SOCS4: variants seen among roughly 807,000 people sequenced by gnomAD.
SOCS4 encodes SH2 domain containing SOCS box protein.
In SOCS4, 20 loss-of-function variants were observed where a neutral mutation model predicts 34.1. That is an observed-to-expected ratio of 0.59 (90% confidence interval 0.41 to 0.85). SOCS4 has a LOEUF of 0.85. SOCS4 is among the 40% of genes least tolerant of loss of function. The pLI is 0.00. For synonymous variants in SOCS4, 180 were observed against 186.4 expected (o/e 0.97, Z 0.28); for missense variants, 479 against 532.4 (o/e 0.90, Z 0.99).
intron 1 of SOCS4, among the ~76,000 whole-genome samples, chr14:55,031,611 G>T (rs746372942): frequency 3.3e-5 from 5 of 152,118 alleles, no homozygotes; most frequent in Non-Finnish European, 7.4e-5. Context: ...ACTATAATTA[G>T]GAAAGCATGG....
At chr14:55,031,536 T>C (rs1210905266) in intron 1 of SOCS4, among the ~76,000 whole-genome samples, 3 of 152,184 alleles carry the variant, frequency 2.0e-5, no homozygotes, top group Non-Finnish European at 2.9e-5. Context: ...CTCCAGAATA[T>C]GTGTTAACAT....
At position 55,043,325 on chromosome 14, in the gene SOCS4, T is replaced by C. The variant is rs1245969624; in HGVS notation, c.284T>C (p.Leu95Pro). ...TTAGGCCGATCTCTTAAACAGAAAC[T>C]GCAAGATGCCGTGGGGCAGTGTTTT... The part of the protein sequence containing the change: ...RFLGRSLKQK[L>P]QDAVGQCFPI... The change falls in exon 3 of 3, where the codon CTG becomes CCG. Residue 95 changes from leucine to proline, a missense_variant. Physicochemically the swap from Leu to Pro is moderately conservative, Grantham distance 98 (BLOSUM62 -3). Coordinates refer to ENST00000555846, the MANE Select transcript of SOCS4 (RefSeq NM_199421.2). 1 of 1,614,214 alleles carries C rather than the reference T, an allele frequency of 6.2e-7. No homozygotes were observed. The highest frequency in any genetic ancestry group is 8.5e-7 in the Non-Finnish European group (1 of 1,180,032).
At position 55,044,797 on chromosome 14, in the gene SOCS4, GTAT is replaced by G. The variant is rs1475262238; in HGVS notation, c.*437_*439del. On this transcript the variant is annotated 3_prime_UTR_variant, in exon 3 of 3. Coordinates refer to ENST00000555846, the MANE Select transcript of SOCS4 (RefSeq NM_199421.2). Reference sequence around the variant, plus strand: ...ATTTTGTTAATCTATGCCATTAGTAGTATTATATATAAAATATAGTTCCCCGTC... The same window carrying G: ...ATTTTGTTAATCTATGCCATTAGTAGTATATATAAAATATAGTTCCCCGTC... 6.0e-6 allele frequency: 1 copy of G among 167,194 alleles called. No homozygotes were observed. The highest frequency in any genetic ancestry group is 1.5e-5 in the Non-Finnish European group (1 of 68,322). The allele number at this position is 167,194 out of a possible 1,614,324, so 10.4% of individuals were successfully genotyped here. A position where few individuals can be genotyped will look rare whatever the true frequency, so the allele number is the denominator to read the frequency against.
Position 55,044,177 on chromosome 14 carries a change from C to T in SOCS4, c.1136C>T (p.Thr379Ile). 6.2e-7 allele frequency: 1 copy of T among 1,614,112 alleles called. No homozygotes were observed. Among genetic ancestry groups the T allele is most frequent in the Non-Finnish European group, 8.5e-7 (1 of 1,179,988 alleles). ...ACMFFEPLLS[T>I]PLIRTFPFSL... Reference sequence around the variant, plus strand: ...ATGTTCTTTGAACCACTTCTATCCACTCCCTTAATTCGGACTTTCCCTTTT... The same window carrying T: ...ATGTTCTTTGAACCACTTCTATCCATTCCCTTAATTCGGACTTTCCCTTTT... Residue 379 changes from threonine to isoleucine, a missense_variant, in exon 3 of 3, where the codon ACT (threonine) becomes ATT (isoleucine). Physicochemically the swap from Thr to Ile is moderately conservative, Grantham distance 89. Transcript: ENST00000555846.
Position 55,044,189 on chromosome 14 carries a change from G to A in SOCS4, c.1148G>A (p.Arg383Gln), listed in dbSNP as rs747745126. Residue 383 changes from arginine to glutamine, a missense_variant, in exon 3 of 3, where the codon CGG becomes CAG. By Grantham distance (43) the Arg-to-Gln change is conservative. Coordinates refer to ENST00000555846, the MANE Select transcript of SOCS4 (RefSeq NM_199421.2). ...CCACTTCTATCCACTCCCTTAATTC[G>A]GACTTTCCCTTTTTCCCTGCAGCAT... ...FEPLLSTPLI[R>Q]TFPFSLQHIC... The A allele has an allele frequency of 4.3e-6, 7 of 1,613,784 alleles. No homozygotes were observed. Among genetic ancestry groups the A allele is most frequent in the African/African-American group, 2.7e-5 (2 of 74,856 alleles).
At chr14:55,039,865 C>G (rs1215102543) in intron 2 of SOCS4, among the ~76,000 whole-genome samples, 2 of 152,162 alleles carry the variant, frequency 1.3e-5, no homozygotes, top group East Asian at 3.8e-4. Context: ...CACTGCACTC[C>G]AGCCCAGGCA....
chr14:55,033,828 T>A (rs996945884), intron 2 of SOCS4, among the ~76,000 whole-genome samples: 2 of 152,220 alleles, frequency 1.3e-5, no homozygotes, highest in Non-Finnish European at 2.9e-5. Flanking sequence ...CCACGAAATA[T>A]TCTAGTAAGA....
In SOCS4 at chr14:55,045,030, G is replaced by A. The variant is rs1220981038; in HGVS notation, c.*666G>A. On this transcript the variant is annotated 3_prime_UTR_variant, in exon 3 of 3. Transcript: ENST00000555846. ...TAATCTGGTCAATGAGAATCAAATG[G>A]AAACATATCATTCTGGAGGTGCACT... 1 of 166,984 alleles carries A rather than the reference G, an allele frequency of 6.0e-6. No individual in the cohort carries two copies. Among genetic ancestry groups the A allele is most frequent in the Non-Finnish European group, 1.5e-5 (1 of 68,066 alleles). The allele number at this position is 166,984 out of a possible 1,614,324, so 10.3% of individuals were successfully genotyped here. A position where few individuals can be genotyped will look rare whatever the true frequency, so the allele number is the denominator to read the frequency against.
In SOCS4 at chr14:55,043,297, T is replaced by C; in HGVS notation, c.256T>C (p.Phe86Leu). 1 of 1,614,230 alleles carries C rather than the reference T, an allele frequency of 6.2e-7. No homozygotes were observed. Among genetic ancestry groups the C allele is most frequent in the East Asian group, 2.2e-5 (1 of 44,886 alleles). The change falls in exon 3 of 3, where the codon TTT (phenylalanine) becomes CTT (leucine). Residue 86 changes from phenylalanine to leucine, a missense_variant. Coordinates refer to ENST00000555846, the MANE Select transcript of SOCS4 (RefSeq NM_199421.2). ...CTTAGATCATTCCTGTGGGCATCGA[T>C]TTTTAGGCCGATCTCTTAAACAGAA... ...LDLDHSCGHR[F>L]LGRSLKQKLQ...
intron 2 of SOCS4, among the ~76,000 whole-genome samples, chr14:55,039,428 TG>T (rs1159384268): frequency 2.0e-5 from 3 of 151,602 alleles, no homozygotes; most frequent in Admixed American, 1.3e-4. Context: ...ATAGAGACCC[TG>T]TCTTAAAAAA....
rs2042694527 is a variant in SOCS4 at position 55,048,238 on chromosome 14, A to C, written c.*3874A>C. On this transcript the variant is annotated 3_prime_UTR_variant, in exon 3 of 3. Transcript: ENST00000555846. ...CCCGGCCAAGATCTAACTCACGCTTACTTTTCATTAAAATATTTCTTGTCG... is the reference window on the plus strand; with the variant it reads ...CCCGGCCAAGATCTAACTCACGCTTCCTTTTCATTAAAATATTTCTTGTCG... The C allele has an allele frequency of 6.0e-6, 1 of 167,080 alleles. No individual in the cohort carries two copies. Among genetic ancestry groups the C allele is most frequent in the African/African-American group, 2.4e-5 (1 of 41,458 alleles). 10.3% of individuals were successfully genotyped at this position (167,080 alleles called of 1,614,324 possible). A position where few individuals can be genotyped will look rare whatever the true frequency, so the allele number is the denominator to read the frequency against.
Position 55,027,276 on chromosome 14 carries a change from T to G in SOCS4, c.-415T>G. The G allele has an allele frequency of 5.1e-6, 1 of 196,968 alleles. No individual in the cohort carries two copies. The highest frequency in any genetic ancestry group is 1.1e-5 in the Non-Finnish European group (1 of 93,856). 12.2% of individuals were successfully genotyped at this position (196,968 alleles called of 1,614,324 possible). A position where few individuals can be genotyped will look rare whatever the true frequency, so the allele number is the denominator to read the frequency against. ...GCGCCCAGGGAACCGGCGGAGGCGA[T>G]GACCGTGACGGCTGGGTTGGGACCG... On this transcript the variant is annotated 5_prime_UTR_variant, in exon 1 of 3. The change abolishes an upstream ATG in the 5' untranslated region. Transcript: ENST00000555846.
rs2042679058 is a variant in SOCS4 at position 55,046,677 on chromosome 14, A to C, written c.*2313A>C. ...AGTACTGCCACATATGTAGCCTTGAAGTAGTTGATCTAATAAATGAGAGCA... is the reference window on the plus strand; with the variant it reads ...AGTACTGCCACATATGTAGCCTTGACGTAGTTGATCTAATAAATGAGAGCA... On this transcript the variant is annotated 3_prime_UTR_variant, in exon 3 of 3. Coordinates refer to ENST00000555846, the MANE Select transcript of SOCS4 (RefSeq NM_199421.2). 6.0e-6 allele frequency: 1 copy of C among 167,030 alleles called. No homozygotes were observed. The highest frequency in any genetic ancestry group is 2.4e-5 in the African/African-American group (1 of 41,456). 10.3% of individuals were successfully genotyped at this position (167,030 alleles called of 1,614,324 possible).
At chr14:55,037,299 T>G (rs1385472699) in intron 2 of SOCS4, among the ~76,000 whole-genome samples, 2 of 149,876 alleles carry the variant, frequency 1.3e-5, no homozygotes, top group African/African-American at 2.5e-5. Flanking sequence ...TGCCTACCAC[T>G]GTGCCCAGCT....
Position 55,044,521 on chromosome 14 carries a change from C to T in SOCS4, c.*157C>T. 1 of 452,746 alleles carries T rather than the reference C, an allele frequency of 2.2e-6. No individual in the cohort carries two copies. The allele number at this position is 452,746 out of a possible 1,614,324, so 28.0% of individuals were successfully genotyped here. A position where few individuals can be genotyped will look rare whatever the true frequency, so the allele number is the denominator to read the frequency against. On this transcript the variant is annotated 3_prime_UTR_variant, in exon 3 of 3. Coordinates refer to ENST00000555846, the MANE Select transcript of SOCS4 (RefSeq NM_199421.2). ...TAATAAATCCATTTTTCTAGTGATA[C>T]ACAAATTGTTTAAGGTTATACACTC...
intron 2 of SOCS4, among the ~76,000 whole-genome samples, chr14:55,040,873 T>A (rs2042611904): frequency 6.6e-6 from 1 of 151,470 alleles, no homozygotes; most frequent in African/African-American, 2.4e-5. Context: ...CTGACCATAA[T>A]AACTATAATC....
Position 55,041,783 on chromosome 14 carries a change from C to CTTTTTT in SOCS4, c.-90-1148_-90-1143dup, listed in dbSNP as rs35998700. On this transcript the variant is annotated intron_variant, in intron 2 of 2. Coordinates refer to ENST00000555846, the MANE Select transcript of SOCS4 (RefSeq NM_199421.2). ...CCACCGTGCCCAGCCAACCCTTAAT[C>CTTTTTT]TTTTTTTTTTTTTTTTTTTTTTTTT... 9.5e-4 allele frequency among the ~76,000 whole-genome samples: 38 copies of CTTTTTT among 40,082 alleles called. 5 individuals carry two copies. The highest frequency in any genetic ancestry group is 9.2e-4 in the African/African-American group (11 of 11,984). 26.3% of individuals were successfully genotyped at this position (40,082 alleles called of 152,430 possible). A position where few individuals can be genotyped will look rare whatever the true frequency, so the allele number is the denominator to read the frequency against.
intron 2 of SOCS4, among the ~76,000 whole-genome samples, chr14:55,042,179 A>G (rs1288779402): frequency 2.0e-5 from 3 of 152,328 alleles, no homozygotes; most frequent in East Asian, 3.9e-4. Flanking sequence ...GGTATTTTAC[A>G]TTGCAAATTC....
rs746911549 is a variant in SOCS4, at chr14:55,040,892, GT to G, written c.-90-2044del. On this transcript the variant is annotated intron_variant, in intron 2 of 2. Transcript: ENST00000555846. ...CCATAATAACTATAATCACCAGATG[GT>G]TTTTTTTTTTTTTTTGGAACTGGGG... is the stretch of plus-strand genomic sequence containing the variant. 3.6e-3 allele frequency among the ~76,000 whole-genome samples: 493 copies of G among 138,844 alleles called. 1 individual carries two copies. The highest frequency in any genetic ancestry group is 6.0e-3 in the African/African-American group (230 of 38,176). 91.1% of individuals were successfully genotyped at this position (138,844 alleles called of 152,430 possible).
Sources: gnomAD v4.1 joint callset for allele counts (sites outside exome capture counted in the v4.1 genomes callset) on GRCh38, gnomAD v4.1.1 for gene constraint, MANE v1.5 for transcripts, NCBI Gene and HGNC (gene_info 2026-07-23, HGNC 2026-07-21) for gene names.